The following PDE6A variants were observed in gnomAD, a reference collection of about 807,000 sequenced individuals.
The protein encoded by PDE6A is phosphodiesterase 6A.
A neutral mutation model predicts 106.3 loss-of-function variants in PDE6A; 84 were observed. That is an observed-to-expected ratio of 0.79 (90% confidence interval 0.66 to 0.95). The LOEUF is 0.95. PDE6A is among the 40% of genes least tolerant of loss of function. The probability of loss-of-function intolerance (pLI) is 0.00; values close to 1 mark genes in which losing one functional copy is unlikely to be tolerated. For synonymous variants in PDE6A, 394 were observed against 386.6 expected (o/e 1.02, Z -0.23); for missense variants, 1,052 against 1,084.9 (o/e 0.97, Z 0.43).
intron 4 of PDE6A, among the ~76,000 whole-genome samples, chr5:149,923,913 C>T (rs1054060389): frequency 3.3e-5 from 5 of 152,202 alleles, no homozygotes; most frequent in African/African-American, 1.2e-4. Context: ...ACATGTTTGT[C>T]ATGGTCTGCT....
chr5:149,937,747 T>C (rs1222113115), intron 1 of PDE6A, among the ~76,000 whole-genome samples: 1 of 152,180 alleles, frequency 6.6e-6, no homozygotes, highest in African/African-American at 2.4e-5. Flanking sequence ...TTTGCAAACA[T>C]TCACAGTGCC....
intron 17 of PDE6A, among the ~76,000 whole-genome samples, chr5:149,883,045 G>A (rs1389525871): frequency 2.6e-5 from 4 of 152,150 alleles, no homozygotes; most frequent in Non-Finnish European, 5.9e-5. Flanking sequence ...GCGACAGAGC[G>A]AGACTCTGTC....
chr5:149,882,071 TAAATAAATA>T (rs1340819842), intron 17 of PDE6A, among the ~76,000 whole-genome samples: 3 of 150,618 alleles, frequency 2.0e-5, no homozygotes, highest in Admixed American at 6.6e-5. Context: ...AATAAATAAA[TAAATAAATA>T]AATAAATAAA....
intron 17 of PDE6A, among the ~76,000 whole-genome samples, chr5:149,876,106 T>G (rs1044178451): frequency 1.3e-5 from 2 of 152,188 alleles, no homozygotes; most frequent in Non-Finnish European, 2.9e-5. Context: ...AAATTTTTTC[T>G]TTGACCATAA....
rs1213238607 is a variant in PDE6A, at chr5:149,928,209, C to CTA, written c.858+2817_858+2818dup. On this transcript the variant is annotated intron_variant, in intron 4 of 21. Coordinates refer to ENST00000255266, the MANE Select transcript of PDE6A (RefSeq NM_000440.3). ...GTACTACAGCTCATAATTGTATGTGCTATATATATATATATATATATATTT... is the reference window on the plus strand; with the variant it reads ...GTACTACAGCTCATAATTGTATGTGCTATATATATATATATATATATATATTT... Among the ~76,000 whole-genome samples the CTA allele has an allele frequency of 8.2e-3, 366 of 44,468 alleles. 11 individuals are homozygous for CTA. The highest frequency in any genetic ancestry group is 0.024 in the East Asian group (58 of 2,432). The allele number at this position is 44,468 out of a possible 152,430, so 29.2% of individuals were successfully genotyped here. A position where few individuals can be genotyped will look rare whatever the true frequency, so the allele number is the denominator to read the frequency against.
intron 17 of PDE6A, among the ~76,000 whole-genome samples, chr5:149,875,964 A>C (rs1760723426): frequency 6.6e-6 from 1 of 152,184 alleles, no homozygotes; most frequent in Non-Finnish European, 1.5e-5. Flanking sequence ...ATACGTGTAC[A>C]TGTATGTGCA....
At chr5:149,920,940 G>GAA (rs144739768) in intron 5 of PDE6A, among the ~76,000 whole-genome samples, 3 of 37,428 alleles carry the variant, frequency 8.0e-5, no homozygotes, top group African/African-American at 1.8e-4. Context: ...GAGAAAGAGA[G>GAA]AAAAAGAAAG....
At chr5:149,862,144 G>C (rs10040588) in intron 21 of PDE6A, among the ~76,000 whole-genome samples, 76,016 of 152,010 alleles carry the variant, frequency 0.5, 20,759 homozygotes, top group African/African-American at 0.73. Context: ...CAGGGTGAGG[G>C]AGGGACAAGA....
chr5:149,864,343 A>T (rs1004412819), intron 20 of PDE6A, among the ~76,000 whole-genome samples: 1 of 151,824 alleles, frequency 6.6e-6, no homozygotes, highest in South Asian at 2.1e-4. Context: ...GGTTCAAGTG[A>T]TTCTCCTGCC....
At chr5:149,907,429 C>CCCT in intron 6 of PDE6A, 51 bp from the exon 7 acceptor site, 1 of 1,468,780 alleles carries the variant, frequency 6.8e-7, no homozygotes, top group Non-Finnish European at 9.5e-7. Context: ...GATTGCTGGA[C>CCCT]TAAAGACTAA....
At chr5:149,894,120 G>A (rs1752644412) in intron 13 of PDE6A, among the ~76,000 whole-genome samples, 1 of 152,134 alleles carries the variant, frequency 6.6e-6, no homozygotes, top group African/African-American at 2.4e-5. Context: ...CAGACAGGTA[G>A]AAGCAACTCT....
chr5:149,921,827 G>A, intron 4 of PDE6A, 118 bp from the exon 5 acceptor site: 2 of 808,600 alleles, frequency 2.5e-6, no homozygotes, highest in Non-Finnish European at 4.3e-6. Context: ...GAAGAACTCA[G>A]TGAAACCTAA....
intron 10 of PDE6A, among the ~76,000 whole-genome samples, chr5:149,897,673 T>A (rs1046863027): frequency 6.6e-6 from 1 of 152,178 alleles, no homozygotes; most frequent in Non-Finnish European, 1.5e-5. Context: ...TTGACCTCCA[T>A]GGGCTCAGGT....
rs764134058 is a variant in PDE6A, at chr5:149,858,816, C to CTTTTTTTTTTTTTTTTTTTTTTTT, written c.*2078_*2079insAAAAAAAAAAAAAAAAAAAAAAAA. 3 of 79,116 alleles carry CTTTTTTTTTTTTTTTTTTTTTTTT rather than the reference C, an allele frequency of 3.8e-5. 1 individual carries two copies. The highest frequency in any genetic ancestry group is 5.2e-5 in the African/African-American group (1 of 19,368). The allele number at this position is 79,116 out of a possible 1,614,324, so 4.9% of individuals were successfully genotyped here. A position where few individuals can be genotyped will look rare whatever the true frequency, so the allele number is the denominator to read the frequency against. On this transcript the variant is annotated 3_prime_UTR_variant, in exon 22 of 22. Coordinates refer to ENST00000255266, the MANE Select transcript of PDE6A (RefSeq NM_000440.3). ...AAGAGAGAAATTCTATCTGCCACATCTTTTTTTTTTCTTTTTTTTTTTTTT... is the reference window on the plus strand; with the variant it reads ...AAGAGAGAAATTCTATCTGCCACATCTTTTTTTTTTTTTTTTTTTTTTTTTTTTTTTTTTCTTTTTTTTTTTTTT...
intron 7 of PDE6A, among the ~76,000 whole-genome samples, chr5:149,905,965 C>T (rs1157530566): frequency 2.0e-5 from 3 of 152,152 alleles, no homozygotes; most frequent in Non-Finnish European, 4.4e-5. Context: ...TCAAGGGATA[C>T]TCCTGTCTCA....
intron 13 of PDE6A, among the ~76,000 whole-genome samples, chr5:149,894,541 A>C (rs1450751202): frequency 3.9e-5 from 6 of 152,064 alleles, no homozygotes; most frequent in African/African-American, 1.4e-4. Context: ...ATACCTCTTT[A>C]TAACAGGCCA....
At chr5:149,883,405 G>A in intron 17 of PDE6A, 24 bp downstream of exon 17, 1 of 1,491,682 alleles carries the variant, frequency 6.7e-7, no homozygotes, top group Non-Finnish European at 9.4e-7. Context: ...AAGAGGATCA[G>A]GTTTTAACCC....
intron 17 of PDE6A, among the ~76,000 whole-genome samples, chr5:149,877,474 A>G (rs183230225): frequency 1.3e-5 from 2 of 152,264 alleles, no homozygotes; most frequent in African/African-American, 4.8e-5. Context: ...CAGCGGTGCA[A>G]TCTTAGCTCA....
chr5:149,921,642 T>C lies in PDE6A; in HGVS notation c.926A>G (p.Asp309Gly), dbSNP rs1277469106. The change falls in exon 5 of 22, where the codon GAT becomes GGT. Residue 309 changes from aspartate (D) to glycine (G), a missense_variant. This residue lies in a region of PDE6A where 913 missense variants were observed against 915.2 expected (regional missense o/e 1.00). Coordinates refer to ENST00000255266, the MANE Select transcript of PDE6A (RefSeq NM_000440.3). ...AGGTCAGAGAGAACGTACTCTTCCA[T>C]CCGGAGTCCTGGGACCAGAGTAAGG... ...VPPYSGPRTPDGREINFYKVI... is the reference protein window; with the variant it reads ...VPPYSGPRTPGGREINFYKVI... 6.2e-6 allele frequency: 10 copies of C among 1,612,592 alleles called. No homozygotes were observed. The highest frequency in any genetic ancestry group is 1.7e-5 in the Admixed American group (1 of 59,990).
Sources: allele counts gnomAD v4.1 joint callset (sites outside exome capture counted in the v4.1 genomes callset), GRCh38; gene constraint gnomAD v4.1.1; regional missense constraint gnomAD v4.1.1; transcripts MANE v1.5; gene names NCBI Gene and HGNC (gene_info 2026-07-23, HGNC 2026-07-21).